The following KCNK13 variants were observed in gnomAD, a reference collection of about 807,000 sequenced individuals.
The protein encoded by KCNK13 is potassium channel subfamily K member 13.
Under a neutral mutation model 23.4 loss-of-function variants are expected in KCNK13, and 12 were observed. The ratio of observed to expected loss-of-function variants is 0.51; its 90% confidence interval spans 0.33 to 0.83. The LOEUF is 0.83. Among genes scored for constraint, KCNK13 ranks in the 40% least tolerant of loss-of-function variants. KCNK13 has a pLI of 0.02. For missense variants in KCNK13, 463 were observed against 556.3 expected (o/e 0.83, Z 1.69); for synonymous variants, 231 against 229.5 (o/e 1.01, Z -0.06).
intron 1 of KCNK13, among the ~76,000 whole-genome samples, chr14:90,178,105 G>T (rs1890442782): frequency 6.6e-6 from 1 of 151,740 alleles, no homozygotes; most frequent in Admixed American, 6.6e-5. Context: ...ACTTGATTTA[G>T]TCATTTCCCC....
chr14:90,102,479 C>G (rs895314797), intron 1 of KCNK13, among the ~76,000 whole-genome samples: 2 of 152,218 alleles, frequency 1.3e-5, no homozygotes, highest in Non-Finnish European at 2.9e-5. Context: ...TGATTGGACT[C>G]TAGCACCCAT....
chr14:90,094,893 C>T (rs958563453), intron 1 of KCNK13, among the ~76,000 whole-genome samples: 9 of 152,180 alleles, frequency 5.9e-5, no homozygotes, highest in Admixed American at 1.3e-4. Flanking sequence ...GTGATCCTCC[C>T]GGCTCGGCCT....
chr14:90,185,106 G>C lies in KCNK13; in HGVS notation c.*103G>C. 9.1e-7 allele frequency: 1 copy of C among 1,093,354 alleles called. No individual in the cohort carries two copies. Among genetic ancestry groups the C allele is most frequent in the South Asian group, 1.9e-5 (1 of 53,988 alleles). 67.7% of individuals were successfully genotyped at this position (1,093,354 alleles called of 1,614,324 possible). On this transcript the variant is annotated 3_prime_UTR_variant, in exon 2 of 2. Coordinates refer to ENST00000282146, the MANE Select transcript of KCNK13 (RefSeq NM_022054.4). Reference sequence around the variant, plus strand: ...CGCCTTGGCTCTGTTCCTTCTGGGAGCTGTTCCCGGGAGCCTCCGCAAGCA... The same window carrying C: ...CGCCTTGGCTCTGTTCCTTCTGGGACCTGTTCCCGGGAGCCTCCGCAAGCA...
At chr14:90,181,439 TC>T (rs1313421837) in intron 1 of KCNK13, among the ~76,000 whole-genome samples, 2 of 152,146 alleles carry the variant, frequency 1.3e-5, no homozygotes, top group African/African-American at 2.4e-5. Context: ...ATGAATCACC[TC>T]TTTTATAAGA....
intron 1 of KCNK13, among the ~76,000 whole-genome samples, chr14:90,117,629 T>C (rs1207290472): frequency 6.6e-6 from 1 of 152,136 alleles, no homozygotes; most frequent in African/African-American, 2.4e-5. Context: ...CTGGAATTTT[T>C]CATTTAATAT....
At chr14:90,083,431 T>C (rs1201139445) in intron 1 of KCNK13, among the ~76,000 whole-genome samples, 1 of 152,256 alleles carries the variant, frequency 6.6e-6, no homozygotes, top group Admixed American at 6.5e-5. Context: ...TTGATCCATT[T>C]TGAGTTAATT....
In KCNK13 at chr14:90,062,515, G is replaced by A; in HGVS notation, c.310G>A (p.Val104Met). The A allele has an allele frequency of 6.6e-7, 1 of 1,519,710 alleles. No individual in the cohort carries two copies. Among genetic ancestry groups the A allele is most frequent in the Non-Finnish European group, 8.8e-7 (1 of 1,133,748 alleles). 94.1% of individuals were successfully genotyped at this position (1,519,710 alleles called of 1,614,324 possible). A position where few individuals can be genotyped will look rare whatever the true frequency, so the allele number is the denominator to read the frequency against. The stretch of plus-strand genomic sequence containing the variant: ...GGACTTCACCGGCGCCTTCTACTTC[G>A]TGGGCACCGTCGTTTCCACCATAGG... The part of the protein sequence containing the change: ...RWDFTGAFYF[V>M]GTVVSTIGFG... The change falls in exon 1 of 2, where the codon GTG becomes ATG. Residue 104 changes from valine (V) to methionine (M), a missense_variant. Around this residue, in one of 3 missense-constraint regions of KCNK13, gnomAD observed 153 missense variants for 153.6 expected, o/e 1.00. Coordinates refer to ENST00000282146, the MANE Select transcript of KCNK13 (RefSeq NM_022054.4). The surrounding 1 kb of genome is among the most constrained non-coding windows in gnomAD (Gnocchi z 4.5).
intron 1 of KCNK13, among the ~76,000 whole-genome samples, chr14:90,167,088 G>A (rs1039024520): frequency 6.6e-6 from 1 of 152,130 alleles, no homozygotes; most frequent in Non-Finnish European, 1.5e-5. Flanking sequence ...GTAAAAGGGG[G>A]ATGAAGGGTT....
In KCNK13 at chr14:90,145,895, G is replaced by C. The variant is rs572286801; in HGVS notation, c.335-38216G>C. Among the ~76,000 whole-genome samples the C allele has an allele frequency of 8.5e-5, 13 of 152,148 alleles. No individual in the cohort carries two copies. The East Asian group carries it at 1.6e-3, about 18-fold the overall frequency. On this transcript the variant is annotated intron_variant, in intron 1 of 1. Transcript: ENST00000282146. ...GCATACTAGTAGTCCCAAATACTGGGGGGGTGGGGAGGTGCCGAGGTAGGA... is the reference window on the plus strand; with the variant it reads ...GCATACTAGTAGTCCCAAATACTGGCGGGGTGGGGAGGTGCCGAGGTAGGA...
chr14:90,107,291 A>T (rs960951802), intron 1 of KCNK13, among the ~76,000 whole-genome samples: 1 of 152,118 alleles, frequency 6.6e-6, no homozygotes, highest in Non-Finnish European at 1.5e-5. Flanking sequence ...CATCCTGGCT[A>T]ACATGGTGAA....
At chr14:90,180,255 C>A (rs1022306341) in intron 1 of KCNK13, among the ~76,000 whole-genome samples, 5 of 152,152 alleles carry the variant, frequency 3.3e-5, no homozygotes, top group Non-Finnish European at 5.9e-5. Flanking sequence ...TGCTGACAAG[C>A]ACACAGGCTG....
chr14:90,085,166 A>G (rs1889257311), intron 1 of KCNK13, among the ~76,000 whole-genome samples: 1 of 150,006 alleles, frequency 6.7e-6, no homozygotes, highest in Non-Finnish European at 1.5e-5. Context: ...CTGGTCTTGA[A>G]CTCCTGACCT....
At chr14:90,100,800 T>A (rs2140406138) in intron 1 of KCNK13, among the ~76,000 whole-genome samples, 1 of 152,172 alleles carries the variant, frequency 6.6e-6, no homozygotes, top group African/African-American at 2.4e-5. Context: ...CAGGTGATCC[T>A]CCCACCTCAG....
intron 1 of KCNK13, among the ~76,000 whole-genome samples, chr14:90,165,137 A>G (rs1287214756): frequency 6.6e-6 from 1 of 152,186 alleles, no homozygotes; most frequent in African/African-American, 2.4e-5. Flanking sequence ...CTTATTCACT[A>G]TCACAATAAC....
At chr14:90,158,763 T>G (rs779729360) in intron 1 of KCNK13, among the ~76,000 whole-genome samples, 1 of 152,210 alleles carries the variant, frequency 6.6e-6, no homozygotes, top group Non-Finnish European at 1.5e-5. Context: ...TCTGTCCTCA[T>G]GCTGCGTATG....
intron 1 of KCNK13, among the ~76,000 whole-genome samples, chr14:90,076,494 C>A (rs993682039): frequency 6.6e-6 from 1 of 152,180 alleles, no homozygotes; most frequent in Non-Finnish European, 1.5e-5. Flanking sequence ...AACTCATTGG[C>A]GTGAACCATG....
In KCNK13 at chr14:90,062,340, C is replaced by A. The variant is rs926455987; in HGVS notation, c.135C>A (p.His45Gln). Residue 45 changes from histidine (H) to glutamine (Q), a missense_variant, in exon 1 of 2, where the codon CAC becomes CAA. This residue lies in a region of KCNK13 where 153 missense variants were observed against 153.6 expected (regional missense o/e 1.00). Coordinates refer to ENST00000282146, the MANE Select transcript of KCNK13 (RefSeq NM_022054.4). This position sits in a 1 kb window ranked among gnomAD's most constrained non-coding sequence, Gnocchi z 4.5. ...AAVFSALELA[H>Q]ERQAKQRWEE... ...TCTTCTCCGCGCTGGAGCTGGCGCACGAGCGCCAGGCCAAGCAGCGCTGGG... is the reference window on the plus strand; with the variant it reads ...TCTTCTCCGCGCTGGAGCTGGCGCAAGAGCGCCAGGCCAAGCAGCGCTGGG... 30 of 1,555,262 alleles carry A rather than the reference C, an allele frequency of 1.9e-5. No homozygotes were observed. Among genetic ancestry groups the A allele is most frequent in the Non-Finnish European group, 2.5e-5 (29 of 1,154,654 alleles).
At chr14:90,182,712 T>C (rs1415811126) in intron 1 of KCNK13, among the ~76,000 whole-genome samples, 1 of 151,990 alleles carries the variant, frequency 6.6e-6, no homozygotes, top group Non-Finnish European at 1.5e-5. Context: ...TCCCAGCTAC[T>C]TGGAAGGCTG....
At chr14:90,164,475 G>GA (rs1890281817) in intron 1 of KCNK13, among the ~76,000 whole-genome samples, 2 of 152,174 alleles carry the variant, frequency 1.3e-5, no homozygotes, top group African/African-American at 4.8e-5. Context: ...GGGAAGGGAA[G>GA]AAAGAGACTA....
Sources: allele counts gnomAD v4.1 joint callset (sites outside exome capture counted in the v4.1 genomes callset), GRCh38; gene constraint gnomAD v4.1.1; regional missense constraint gnomAD v4.1.1; non-coding constraint Gnocchi (gnomAD v3.1); transcripts MANE v1.5; gene names NCBI Gene and HGNC (gene_info 2026-07-23, HGNC 2026-07-21).